CACNA2D1: variants seen among roughly 807,000 people sequenced by gnomAD.
CACNA2D1 encodes calcium voltage-gated channel auxiliary subunit alpha2delta 1, also known as voltage-dependent calcium channel subunit alpha-2/delta-1.
Under a neutral mutation model 171.5 loss-of-function variants are expected in CACNA2D1, and 53 were observed. The observed-to-expected ratio is 0.31, with a 90% CI of 0.25 to 0.39. The LOEUF (loss-of-function observed/expected upper bound fraction) is 0.39. Among genes scored for constraint, CACNA2D1 ranks in the 10% least tolerant of loss-of-function variants. The pLI, the probability that CACNA2D1 is intolerant of heterozygous loss-of-function variation, is 1.00. For missense variants in CACNA2D1, 903 were observed against 1,299.8 expected (o/e 0.69, Z 4.69); for synonymous variants, 442 against 443.1 (o/e 1.00, Z 0.03).
intron 1 of CACNA2D1, among the ~76,000 whole-genome samples, chr7:82,350,426 G>C (rs1349488249): frequency 4.6e-5 from 7 of 152,266 alleles, no homozygotes; most frequent in African/African-American, 1.7e-4. Flanking sequence ...AGCACTTTGG[G>C]AGGCCGAGGC....
intron 3 of CACNA2D1, among the ~76,000 whole-genome samples, chr7:82,266,884 T>C (rs1807933935): frequency 6.6e-6 from 1 of 152,204 alleles, no homozygotes; most frequent in Non-Finnish European, 1.5e-5. Flanking sequence ...AGAAGAACTG[T>C]ACTACCTTAA....
intron 3 of CACNA2D1, among the ~76,000 whole-genome samples, chr7:82,214,274 C>T (rs931843847): frequency 6.6e-6 from 1 of 152,242 alleles, no homozygotes; most frequent in Admixed American, 6.5e-5. Context: ...TCCGAGAAAG[C>T]CTTTCTTAAT....
chr7:82,273,447 G>A (rs961302259), intron 3 of CACNA2D1, among the ~76,000 whole-genome samples: 1 of 150,872 alleles, frequency 6.6e-6, no homozygotes, highest in Non-Finnish European at 1.5e-5. Context: ...TATTTATTAT[G>A]TATTATTGTA....
At chr7:82,117,908 T>C (rs1290049247) in intron 5 of CACNA2D1, among the ~76,000 whole-genome samples, 1 of 152,200 alleles carries the variant, frequency 6.6e-6, no homozygotes, top group East Asian at 1.9e-4. Flanking sequence ...TAAATTTATA[T>C]TGTGCAGTTG....
intron 18 of CACNA2D1, among the ~76,000 whole-genome samples, chr7:81,998,106 T>C (rs2130805097): frequency 6.6e-6 from 1 of 152,062 alleles, no homozygotes; most frequent in East Asian, 1.9e-4. Context: ...GAAGATTCAT[T>C]GAACTATTTG....
intron 3 of CACNA2D1, among the ~76,000 whole-genome samples, chr7:82,176,354 A>G (rs1042595471): frequency 6.6e-6 from 1 of 152,014 alleles, no homozygotes; most frequent in Non-Finnish European, 1.5e-5. Context: ...AAATTCATAT[A>G]AACATGTATG....
intron 3 of CACNA2D1, among the ~76,000 whole-genome samples, chr7:82,313,576 T>C (rs991174435): frequency 2.6e-5 from 4 of 152,218 alleles, no homozygotes; most frequent in African/African-American, 9.6e-5. Context: ...CTAGAGCCAG[T>C]CTTGCCATGC....
chr7:82,060,506 C>T lies in CACNA2D1; in HGVS notation c.801G>A (p.Leu267=). 1 of 1,606,252 alleles carries T rather than the reference C, an allele frequency of 6.2e-7. No individual in the cohort carries two copies. Among genetic ancestry groups the T allele is most frequent in the Non-Finnish European group, 8.5e-7 (1 of 1,174,856 alleles). ...LVDVSGSVSG[L]TLKLIRTSVS... The stretch of plus-strand genomic sequence containing the variant: ...CAGATGTTCGGATCAGTTTAAGTGT[C>T]AATCCACTAACACTTCCACTCCTAG... The change falls in exon 10 of 39, where the codon TTG becomes TTA. Residue 267 remains leucine, a synonymous_variant. Transcript: ENST00000356860.
chr7:81,975,396 C>T (rs1795737645), intron 24 of CACNA2D1, among the ~76,000 whole-genome samples: 1 of 151,996 alleles, frequency 6.6e-6, no homozygotes, highest in African/African-American at 2.4e-5. Context: ...ATCTTTAATT[C>T]CTGACAAGAG....
intron 1 of CACNA2D1, chr7:82,410,628 G>A (rs976121141): frequency 1.5e-5 from 7 of 457,702 alleles, no homozygotes; most frequent in South Asian, 9.2e-5. Flanking sequence ...GAGAGAAGGC[G>A]AGTCTGACTG....
Position 82,270,301 on chromosome 7 carries a change from C to A in CACNA2D1, c.294+64834G>T, listed in dbSNP as rs539945563. On this transcript the variant is annotated intron_variant, in intron 3 of 38. Coordinates refer to ENST00000356860, the MANE Select transcript of CACNA2D1 (RefSeq NM_000722.4). ...TTCTATTACTATAAATTAGTTTTGG[C>A]TAATTTACTTACCCCTTTACTTCAT... Among the ~76,000 whole-genome samples, 14 of 152,244 alleles carry A rather than the reference C, an allele frequency of 9.2e-5. No homozygotes were observed. In the East Asian group the frequency reaches 9.6e-4, roughly 10 times the overall value.
Position 82,145,247 on chromosome 7 carries a change from AAT to A in CACNA2D1, c.355-8573_355-8572del, listed in dbSNP as rs1448198164. ...ATATATATAAAATATAAATTATATA[AAT>A]ATATAAATTATATAAAATATATAAA... is the stretch of plus-strand genomic sequence containing the variant. On this transcript the variant is annotated intron_variant, in intron 4 of 38. Coordinates refer to ENST00000356860, the MANE Select transcript of CACNA2D1 (RefSeq NM_000722.4). Among the ~76,000 whole-genome samples the A allele has an allele frequency of 4.8e-5, 7 of 146,226 alleles. No homozygotes were observed. In the Admixed American group the frequency reaches 4.8e-4, roughly 10 times the overall value.
At chr7:82,055,864 G>A (rs1177327633) in intron 10 of CACNA2D1, among the ~76,000 whole-genome samples, 1 of 147,280 alleles carries the variant, frequency 6.8e-6, no homozygotes, top group African/African-American at 2.5e-5. Flanking sequence ...GTATACATAT[G>A]TAACAAACCT....
rs532234372 is a variant in CACNA2D1, at chr7:82,135,960, T to TA, written c.396+674dup. Among the ~76,000 whole-genome samples, 714 of 152,286 alleles carry TA rather than the reference T, an allele frequency of 4.7e-3. 10 individuals carry two copies. The highest frequency in any genetic ancestry group is 0.016 in the African/African-American group (682 of 41,576). ...ATCTAAGAGTCAAATACAAGAATTT[T>TA]AAAAAATTAAGTGTAACCTTTATTA... On this transcript the variant is annotated intron_variant, in intron 5 of 38. Transcript: ENST00000356860.
intron 1 of CACNA2D1, among the ~76,000 whole-genome samples, chr7:82,436,069 T>C (rs1022575413): frequency 1.3e-5 from 2 of 152,182 alleles, no homozygotes; most frequent in Non-Finnish European, 2.9e-5. Flanking sequence ...ATGTTTTCCT[T>C]AGGGACTCTC....
intron 10 of CACNA2D1, among the ~76,000 whole-genome samples, chr7:82,056,423 T>C (rs750054745): frequency 1.3e-5 from 2 of 152,116 alleles, no homozygotes; most frequent in African/African-American, 2.4e-5. Context: ...CTAGAGAACA[T>C]TCGTCACAGA....
chr7:82,083,601 GATA>G (rs561000060), intron 7 of CACNA2D1, among the ~76,000 whole-genome samples: 275 of 152,056 alleles, frequency 1.8e-3, no homozygotes, highest in African/African-American at 3.1e-3. Flanking sequence ...ATTCCCATCA[GATA>G]ATAATACAAA....
chr7:82,240,101 T>C (rs1804074160), intron 3 of CACNA2D1, among the ~76,000 whole-genome samples: 1 of 152,192 alleles, frequency 6.6e-6, no homozygotes, highest in Middle Eastern at 3.2e-3. Context: ...AGACTCACTT[T>C]AGGGCATCTA....
intron 3 of CACNA2D1, among the ~76,000 whole-genome samples, chr7:82,306,116 T>C (rs1235094316): frequency 1.3e-5 from 2 of 152,234 alleles, no homozygotes; most frequent in African/African-American, 4.8e-5. Context: ...TCATGTGTTT[T>C]CCTTTGTCTT....
Sources: allele counts gnomAD v4.1 joint callset (sites outside exome capture counted in the v4.1 genomes callset), GRCh38; gene constraint gnomAD v4.1.1; transcripts MANE v1.5; gene names NCBI Gene and HGNC (gene_info 2026-07-23, HGNC 2026-07-21).